Variants in NTRK3 observed in about 807,000 individuals in gnomAD.
NTRK3 encodes NT-3 growth factor receptor.
Under a neutral mutation model 91.7 loss-of-function variants are expected in NTRK3, and 24 were observed. The ratio of observed to expected loss-of-function variants is 0.26; its 90% CI spans 0.19 to 0.37. The LOEUF (loss-of-function observed/expected upper bound fraction) is 0.37, where lower values mean the gene tolerates loss of function less well. Ranked by LOEUF, NTRK3 falls within the 10% of genes least tolerant of loss-of-function variation. The pLI is 1.00. For synonymous variants in NTRK3, 483 were observed against 404.0 expected, an observed-to-expected ratio of 1.20 and a Z score of -2.34; for missense variants, 880 against 1,068.9, an observed-to-expected ratio of 0.82 and a Z score of 2.46.
intron 3 of NTRK3, among the ~76,000 whole-genome samples, chr15:88,210,814 T>C (rs1043454182): frequency 6.6e-6 from 1 of 152,118 alleles, no homozygotes; most frequent in African/African-American, 2.4e-5. Context: ...TCAACTTCCA[T>C]CAGAGAGCGG....
intron 3 of NTRK3, among the ~76,000 whole-genome samples, chr15:88,201,590 G>A (rs1597918040): frequency 6.6e-6 from 1 of 152,180 alleles, no homozygotes; most frequent in East Asian, 1.9e-4. Context: ...AGGTTAAGGT[G>A]CAAATGATCC....
In NTRK3 at chr15:88,206,892, T is replaced by C. The variant is rs530377152; in HGVS notation, c.249-22593A>G. ...GTCTGCTGGTGCTTCTCCCTGAGAC[T>C]GTCCCCAGACACACCATTGCCCCTG... On this transcript the variant is annotated intron_variant, in intron 3 of 18. Transcript: ENST00000394480. Among the ~76,000 whole-genome samples the C allele has an allele frequency of 1.1e-3, 163 of 152,300 alleles. 1 individual carries two copies. The highest frequency in any genetic ancestry group is 1.9e-3 in the Non-Finnish European group (130 of 68,014).
intron 17 of NTRK3, among the ~76,000 whole-genome samples, chr15:87,888,856 G>C (rs1247028859): frequency 6.6e-6 from 1 of 151,990 alleles, no homozygotes; most frequent in Non-Finnish European, 1.5e-5. Context: ...TTGCAGACCT[G>C]GTGAGGAAGT....
At chr15:88,039,940 T>C (rs956933716) in intron 13 of NTRK3, among the ~76,000 whole-genome samples, 5 of 152,116 alleles carry the variant, frequency 3.3e-5, no homozygotes, top group African/African-American at 1.2e-4. Flanking sequence ...AGGAAGTAAA[T>C]TGTGAAATGC....
intron 4 of NTRK3, 89 bp from the exon 5 acceptor site, chr15:88,183,578 G>T: frequency 8.2e-7 from 1 of 1,215,548 alleles, no homozygotes; most frequent in Non-Finnish European, 1.2e-6. Flanking sequence ...TGAGGCTAAG[G>T]CTGGCCCTGC....
At chr15:88,180,936 C>G (rs764943401) in intron 5 of NTRK3, among the ~76,000 whole-genome samples, 2 of 152,068 alleles carry the variant, frequency 1.3e-5, no homozygotes, top group African/African-American at 2.4e-5. Flanking sequence ...TAAATAAAAC[C>G]CGTGGATAAA....
chr15:87,944,640 C>T (rs1266018686), intron 14 of NTRK3, among the ~76,000 whole-genome samples: 2 of 152,184 alleles, frequency 1.3e-5, no homozygotes, highest in Non-Finnish European at 2.9e-5. Context: ...CTAAAATGAT[C>T]CAGTTCACAG....
chr15:88,065,050 A>G (rs890749728), intron 13 of NTRK3, among the ~76,000 whole-genome samples: 6 of 152,200 alleles, frequency 3.9e-5, no homozygotes, highest in East Asian at 1.9e-4. Flanking sequence ...TATGACAACT[A>G]TGTGACGATA....
intron 14 of NTRK3, among the ~76,000 whole-genome samples, chr15:88,015,342 C>T (rs755831112): frequency 9.9e-5 from 15 of 152,166 alleles, no homozygotes; most frequent in Non-Finnish European, 2.1e-4. Context: ...GACCTGCTCC[C>T]TCCACCCCGG....
At chr15:88,236,657 G>A (rs941541031) in intron 3 of NTRK3, among the ~76,000 whole-genome samples, 2 of 81,362 alleles carry the variant, frequency 2.5e-5, no homozygotes, top group Non-Finnish European at 5.6e-5. Flanking sequence ...ACGGAAGGGA[G>A]GAAGGGATTA....
intron 17 of NTRK3, among the ~76,000 whole-genome samples, chr15:87,902,642 TA>T (rs2066521068): frequency 9.9e-6 from 1 of 100,544 alleles, no homozygotes; most frequent in African/African-American, 2.7e-5. Flanking sequence ...AAATAATTCC[TA>T]AACCTGGAAA....
intron 14 of NTRK3, among the ~76,000 whole-genome samples, chr15:87,991,454 T>C (rs1448922256): frequency 6.6e-6 from 1 of 152,232 alleles, no homozygotes; most frequent in Non-Finnish European, 1.5e-5. Context: ...CCATCATTAA[T>C]GTCCATCTCC....
rs866438429 is a variant in NTRK3 at position 88,234,940 on chromosome 15, G to A, written c.248+20966C>T. Among the ~76,000 whole-genome samples the A allele has an allele frequency of 3.3e-5, 5 of 152,110 alleles. No individual in the cohort carries two copies. The highest frequency in any genetic ancestry group is 1.2e-4 in the African/African-American group (5 of 41,420). On this transcript the variant is annotated intron_variant, in intron 3 of 18. Transcript: ENST00000394480. The surrounding 1 kb of genome is among the most constrained non-coding windows in gnomAD (Gnocchi z 6.1). ...ACTTCCAGCCCCTTCCAACCTGAGA[G>A]GCGTTGCACTGGCTACGCCCTGGGC...
Position 88,215,323 on chromosome 15 carries a change from C to G in NTRK3, c.249-31024G>C, listed in dbSNP as rs79606507. ...ACCCGGGATGGACCTAAGCAGCATGCCCAGCTCCAGGGCAAACACGGCCCC... is the reference window on the plus strand; with the variant it reads ...ACCCGGGATGGACCTAAGCAGCATGGCCAGCTCCAGGGCAAACACGGCCCC... On this transcript the variant is annotated intron_variant, in intron 3 of 18. Coordinates refer to ENST00000394480, the Ensembl canonical transcript of NTRK3. Among the ~76,000 whole-genome samples, 344 of 152,354 alleles carry G rather than the reference C, an allele frequency of 2.3e-3. 6 individuals are homozygous for G. Among genetic ancestry groups the G allele is most frequent in the East Asian group, 0.02 (106 of 5,180 alleles).
chr15:88,136,184 T>C (rs1436223862), intron 8 of NTRK3, 144 bp from the exon 9 acceptor site: 1 of 1,097,992 alleles, frequency 9.1e-7, no homozygotes, highest in Non-Finnish European at 1.4e-6. Context: ...ACTGGCCAAA[T>C]GCCAGGCTCC....
intron 14 of NTRK3, chr15:87,979,493 A>T (rs2074013983): frequency 6.6e-7 from 1 of 1,507,104 alleles, no homozygotes. Context: ...AAAAAAACAG[A>T]AAAAAGCAAA....
intron 13 of NTRK3, among the ~76,000 whole-genome samples, chr15:88,087,341 T>C (rs987134481): frequency 6.6e-6 from 1 of 151,860 alleles, no homozygotes; most frequent in African/African-American, 2.4e-5. Flanking sequence ...CCTGGGGGAG[T>C]GTCCGGCAGG....
chr15:87,911,831 T>C (rs1026926469), intron 17 of NTRK3, among the ~76,000 whole-genome samples: 11 of 152,250 alleles, frequency 7.2e-5, no homozygotes, highest in Non-Finnish European at 1.3e-4. Context: ...ATATCATGTA[T>C]AGTCCTAGGT....
At chr15:88,049,102 A>AC (rs1307387853) in intron 13 of NTRK3, among the ~76,000 whole-genome samples, 1 of 152,242 alleles carries the variant, frequency 6.6e-6, no homozygotes, top group Admixed American at 6.5e-5. Flanking sequence ...TAGAAGATGC[A>AC]CAGAAGCAAC....
Sources: allele counts gnomAD v4.1 joint callset (sites outside exome capture counted in the v4.1 genomes callset), GRCh38; gene constraint gnomAD v4.1.1; non-coding constraint Gnocchi (gnomAD v3.1); transcripts MANE v1.5; gene names NCBI Gene and HGNC (gene_info 2026-07-23, HGNC 2026-07-21).